The following LRRCC1 variants were observed in gnomAD, a reference collection of about 807,000 sequenced individuals.
The protein encoded by LRRCC1 is leucine-rich repeat and coiled-coil domain-containing protein 1.
A neutral mutation model predicts 126.0 loss-of-function variants in LRRCC1; 115 were observed. The observed-to-expected ratio is 0.91, with a 90% confidence interval of 0.78 to 1.07. The LOEUF is 1.07. Among genes scored for constraint, LRRCC1 ranks in the 50% least tolerant of loss-of-function variants. The pLI, the probability that LRRCC1 is intolerant of heterozygous loss-of-function variation, is 0.00. For missense variants in LRRCC1, 1,172 were observed against 1,175.7 expected, an observed-to-expected ratio of 1.00 and a Z score of 0.05; for synonymous variants, 400 against 393.4, an observed-to-expected ratio of 1.02 and a Z score of -0.20.
At chr8:85,115,692 C>T (rs371943748) in intron 6 of LRRCC1, 108 bp downstream of exon 6, 5 of 718,500 alleles carry the variant, frequency 7.0e-6, no homozygotes, top group South Asian at 5.7e-5. Context: ...TTTAGTGCAT[C>T]AGTGTTCGTG....
intron 13 of LRRCC1, 37 bp from the exon 14 acceptor site, chr8:85,135,752 T>A (rs1360347755): frequency 8.2e-7 from 1 of 1,217,226 alleles, no homozygotes; most frequent in Non-Finnish European, 1.1e-6. Context: ...AAGCACTTAA[T>A]ATAATAATTC....
chr8:85,129,919 A>G lies in LRRCC1; in HGVS notation c.1627A>G (p.Ile543Val), dbSNP rs761754093. Residue 543 changes from isoleucine (I) to valine (V), a missense_variant and splice_region_variant, in exon 11 of 19, where the codon ATA becomes GTA. Physicochemically the swap from Ile to Val is conservative, Grantham distance 29 (BLOSUM62 3). Coordinates refer to ENST00000360375, the MANE Select transcript of LRRCC1 (RefSeq NM_033402.5). ...RQKRQQQAAQ[I>V]RLIQEVELKA... is the part of the protein sequence containing the mutation. ...ATGTAATTGTGGGTATTTTACTCAGATAAGACTGATCCAAGAGGTGGAACT... is the reference window on the plus strand; with the variant it reads ...ATGTAATTGTGGGTATTTTACTCAGGTAAGACTGATCCAAGAGGTGGAACT... The G allele has an allele frequency of 1.0e-5, 16 of 1,565,662 alleles. No homozygotes were observed. The highest frequency in any genetic ancestry group is 2.4e-5 in the South Asian group (2 of 83,414).
chr8:85,114,247 T>C (rs1236918705), intron 4 of LRRCC1, among the ~76,000 whole-genome samples: 1 of 151,870 alleles, frequency 6.6e-6, no homozygotes, highest in Non-Finnish European at 1.5e-5. Flanking sequence ...TTTTTAATAA[T>C]CTTATCTCAA....
chr8:85,135,790 A>G lies in LRRCC1; in HGVS notation c.2156A>G (p.Asn719Ser). Residue 719 changes from asparagine to serine, a missense_variant and splice_region_variant, in exon 14 of 19, where the codon AAT becomes AGT. Physicochemically the swap from Asn to Ser is conservative, Grantham distance 46. Coordinates refer to ENST00000360375, the MANE Select transcript of LRRCC1 (RefSeq NM_033402.5). ...LKQETAANLQ[N>S]QINTLEILIE... ...ATTTTTTTTTTTGGGAATATACAGA[A>G]TCAAATCAACACCCTTGAAATTTTA... The G allele has an allele frequency of 6.7e-7, 1 of 1,497,624 alleles. No homozygotes were observed. The highest frequency in any genetic ancestry group is 8.9e-7 in the Non-Finnish European group (1 of 1,120,588). The allele number at this position is 1,497,624 out of a possible 1,614,324, so 92.8% of individuals were successfully genotyped here.
chr8:85,130,928 G>A (rs1441356313), intron 11 of LRRCC1, among the ~76,000 whole-genome samples: 5 of 151,054 alleles, frequency 3.3e-5, no homozygotes, highest in South Asian at 2.1e-4. Flanking sequence ...TTTGGCTGAT[G>A]GGCTGTAGTT....
At chr8:85,119,994 T>C (rs1287724260) in intron 6 of LRRCC1, among the ~76,000 whole-genome samples, 1 of 152,258 alleles carries the variant, frequency 6.6e-6, no homozygotes, top group African/African-American at 2.4e-5. Context: ...CCAAGAAATA[T>C]TTAGAAATGT....
At position 85,115,447 on chromosome 8, in the gene LRRCC1, C is replaced by T. The variant is rs1311419488; in HGVS notation, c.793C>T (p.Pro265Ser). The change falls in exon 6 of 19, where the codon CCA (proline) becomes TCA (serine). Residue 265 changes from proline to serine, a missense_variant. Coordinates refer to ENST00000360375, the MANE Select transcript of LRRCC1 (RefSeq NM_033402.5). ...LVPLEQFAST[P>S]SDAVLTSFMS... ...TCCCTTGGAACAGTTTGCAAGTACACCAAGTGATGCTGTGTTGACGTCTTT... is the reference window on the plus strand; with the variant it reads ...TCCCTTGGAACAGTTTGCAAGTACATCAAGTGATGCTGTGTTGACGTCTTT... 6.2e-7 allele frequency: 1 copy of T among 1,613,458 alleles called. No homozygotes were observed. Among genetic ancestry groups the T allele is most frequent in the African/African-American group, 1.3e-5 (1 of 75,014 alleles).
intron 6 of LRRCC1, among the ~76,000 whole-genome samples, chr8:85,122,861 T>C (rs1481769434): frequency 1.3e-5 from 2 of 152,342 alleles, no homozygotes; most frequent in African/African-American, 4.8e-5. Flanking sequence ...CATTTTTGTT[T>C]TAGTAAGCAT....
chr8:85,124,070 A>T (rs1433613599), intron 7 of LRRCC1, among the ~76,000 whole-genome samples: 1 of 152,136 alleles, frequency 6.6e-6, no homozygotes. Context: ...TAGTCAGATG[A>T]TACTGAGTTT....
intron 8 of LRRCC1, among the ~76,000 whole-genome samples, chr8:85,126,208 T>G (rs554953546): frequency 3.3e-5 from 5 of 152,346 alleles, no homozygotes; most frequent in Admixed American, 3.3e-4. Context: ...ATTTATTGAT[T>G]GGTTATTATG....
chr8:85,108,737 C>T (rs921809181), intron 1 of LRRCC1: 1 of 152,160 alleles, frequency 6.6e-6, no homozygotes, highest in Non-Finnish European at 1.5e-5. Context: ...AGGTTTCCTA[C>T]AGCTGTAAGA....
At chr8:85,138,650 G>T (rs1224751598) in intron 17 of LRRCC1, among the ~76,000 whole-genome samples, 175 bp downstream of exon 17, 3 of 152,192 alleles carry the variant, frequency 2.0e-5, no homozygotes, top group Non-Finnish European at 4.4e-5. Context: ...TACCTTAAAT[G>T]TTAGATAAGA....
At chr8:85,115,764 CAT>C (rs2135930573) in intron 6 of LRRCC1, among the ~76,000 whole-genome samples, 180 bp downstream of exon 6, 1 of 152,164 alleles carries the variant, frequency 6.6e-6, no homozygotes, top group African/African-American at 2.4e-5. Context: ...TAAAAGGTAA[CAT>C]AAATTTTTCA....
chr8:85,129,116 C>CA, intron 9 of LRRCC1, 59 bp from the exon 10 acceptor site: 1 of 1,278,894 alleles, frequency 7.8e-7, no homozygotes, highest in Non-Finnish European at 1.1e-6. Flanking sequence ...TTGAAGTCAA[C>CA]AATTTTATCA....
At chr8:85,137,118 C>T (rs550945489) in intron 14 of LRRCC1, among the ~76,000 whole-genome samples, 17 of 152,296 alleles carry the variant, frequency 1.1e-4, no homozygotes, top group African/African-American at 4.1e-4. Context: ...TGAGCAGCTG[C>T]ACCCAGCCAA....
chr8:85,109,583 T>A lies in LRRCC1; in HGVS notation c.105-12T>A, dbSNP rs979688374. On this transcript the variant is annotated splice_polypyrimidine_tract_variant and intron_variant, in intron 1 of 18. Transcript: ENST00000360375. The stretch of plus-strand genomic sequence containing the variant: ...TAAAATCTATTTTTATAGTATATAT[T>A]TTCTTTTATAGCATATCAGAATTAT... The A allele has an allele frequency of 4.1e-6, 6 of 1,475,516 alleles. No homozygotes were observed. The African/African-American group carries it at 7.1e-5, about 17-fold the overall frequency. The allele number at this position is 1,475,516 out of a possible 1,614,324, so 91.4% of individuals were successfully genotyped here.
At chr8:85,138,542 C>T (rs1023158281) in intron 17 of LRRCC1, 67 bp downstream of exon 17, 28 of 1,449,952 alleles carry the variant, frequency 1.9e-5, no homozygotes, top group African/African-American at 2.9e-5. Flanking sequence ...GGGTGAAATA[C>T]GTATAAAGAG....
Position 85,136,765 on chromosome 8 carries a change from CTTTTG to C in LRRCC1, c.2330-680_2330-676del, listed in dbSNP as rs938360998. ...TAAAGCAAGAGATATATACTGGTTT[CTTTTG>C]TTTTGTTTTGTTTTGTTTGCATTCA... is the stretch of plus-strand genomic sequence containing the variant. On this transcript the variant is annotated intron_variant, in intron 14 of 18. Coordinates refer to ENST00000360375, the MANE Select transcript of LRRCC1 (RefSeq NM_033402.5). Among the ~76,000 whole-genome samples the C allele has an allele frequency of 4.6e-5, 7 of 152,112 alleles. No homozygotes were observed. The East Asian group carries it at 9.6e-4, about 21-fold the overall frequency.
chr8:85,116,870 T>C (rs916715190), intron 6 of LRRCC1, among the ~76,000 whole-genome samples: 1 of 152,190 alleles, frequency 6.6e-6, no homozygotes, highest in African/African-American at 2.4e-5. Flanking sequence ...GTGAGGATTC[T>C]GTGTTTCAGA....
Sources: gnomAD v4.1 joint callset for allele counts (sites outside exome capture counted in the v4.1 genomes callset) on GRCh38, gnomAD v4.1.1 for gene constraint, MANE v1.5 for transcripts, NCBI Gene and HGNC (gene_info 2026-07-23, HGNC 2026-07-21) for gene names.